RADIL: variants seen among roughly 807,000 people sequenced by gnomAD.
RADIL encodes the protein Rap associating with DIL domain.
In RADIL, 99 loss-of-function variants were observed where a neutral mutation model predicts 97.6. The ratio of observed to expected loss-of-function variants is 1.01; its 90% CI spans 0.86 to 1.20. RADIL has a LOEUF of 1.20. Ranked by LOEUF, RADIL falls within the 50% of genes most tolerant of loss-of-function variation. The probability of loss-of-function intolerance (pLI) is 0.00; values close to 1 mark genes in which losing one functional copy is unlikely to be tolerated. For synonymous variants in RADIL, 803 were observed against 691.8 expected (o/e 1.16, Z -2.52); for missense variants, 1,765 against 1,498.9 (o/e 1.18, Z -2.93).
In RADIL at chr7:4,801,947, G is replaced by A. The variant is rs776022322; in HGVS notation, c.2548C>T (p.Pro850Ser). The change falls in exon 12 of 15, where the codon CCC (proline) becomes TCC (serine). Residue 850 changes from proline to serine, a missense_variant. Transcript: ENST00000399583. ...GGGCCAGGGTCCCTGGGAGCCAGGG[G>A]GCAGCTCGGGGCCTCCAGGTGCCCG... ...LDGHLEAPSC[P>S]LAPRDPGPAA... The A allele has an allele frequency of 9.0e-6, 14 of 1,559,066 alleles. No individual in the cohort carries two copies. The highest frequency in any genetic ancestry group is 6.8e-5 in the East Asian group (3 of 44,110).
Position 4,834,409 on chromosome 7 carries a change from C to G in RADIL, c.1416+198G>C, listed in dbSNP as rs903032273. On this transcript the variant is annotated intron_variant, in intron 4 of 14. Transcript: ENST00000399583. The surrounding 1 kb of genome is among the most constrained non-coding windows in gnomAD (Gnocchi z 6.0). The stretch of plus-strand genomic sequence containing the variant: ...AGGGGCAAAGGGCTGCAGCTGACAC[C>G]TTGGGTTCTGGGGCTGCTTCTGGTG... 1.3e-5 allele frequency among the ~76,000 whole-genome samples: 2 copies of G among 152,152 alleles called. No individual in the cohort carries two copies. The highest frequency in any genetic ancestry group is 2.9e-5 in the Non-Finnish European group (2 of 68,014).
chr7:4,861,389 T>C (rs768638021), intron 2 of RADIL: 2 of 1,614,076 alleles, frequency 1.2e-6, no homozygotes, highest in Non-Finnish European at 1.7e-6. Context: ...CACTTCCTCC[T>C]GTAGTTTCAG....
At chr7:4,861,839 T>TCCCCCACCACCGCGACCTTCACGA in intron 2 of RADIL, 1 of 1,396,122 alleles carries the variant, frequency 7.2e-7, no homozygotes, top group Non-Finnish European at 9.3e-7. Flanking sequence ...CCAGGGCACG[T>TCCCCCACCACCGCGACCTTCACGA]CCCCCACCAC....
Position 4,872,789 on chromosome 7 carries a change from G to A in RADIL, c.535+4816C>T, listed in dbSNP as rs942189577. ...GGGGTAGCAGTGAACTAAGTGATGA[G>A]TGAACCGGCAGGAAGCGCCTGGCTG... is the stretch of plus-strand genomic sequence containing the variant. On this transcript the variant is annotated intron_variant, in intron 2 of 14. Coordinates refer to ENST00000399583, the MANE Select transcript of RADIL (RefSeq NM_018059.5). The surrounding 1 kb of genome is among the most constrained non-coding windows in gnomAD (Gnocchi z 5.8). Among the ~76,000 whole-genome samples the A allele has an allele frequency of 4.6e-5, 7 of 152,200 alleles. 1 individual carries two copies. In the South Asian group the frequency reaches 1.5e-3, roughly 32 times the overall value.
intron 9 of RADIL, chr7:4,809,538 G>A (rs1039354546): frequency 1.0e-6 from 1 of 985,398 alleles, no homozygotes; most frequent in Non-Finnish European, 1.2e-6. Flanking sequence ...CTGCTCGGGA[G>A]CCCCCAGGCC....
chr7:4,861,361 G>T (rs756906535), intron 2 of RADIL: 9 of 1,614,030 alleles, frequency 5.6e-6, no homozygotes, highest in African/African-American at 1.3e-5. Flanking sequence ...ATGCCTCCTC[G>T]ACAGCCCTTA....
chr7:4,868,226 C>G (rs1273204272), intron 2 of RADIL, among the ~76,000 whole-genome samples: 1 of 152,134 alleles, frequency 6.6e-6, no homozygotes, highest in African/African-American at 2.4e-5. Context: ...CCACACCTGG[C>G]TAATTTTCTA....
At chr7:4,836,327 CG>C (rs1554263249) in intron 3 of RADIL, 30 bp downstream of exon 3, 1 of 1,559,988 alleles carries the variant, frequency 6.4e-7, no homozygotes, top group Non-Finnish European at 8.7e-7. Flanking sequence ...GCAGTGGCAC[CG>C]GGCAGTGGGT....
rs375986838 is a variant in RADIL at position 4,877,899 on chromosome 7, C to T, written c.241G>A (p.Val81Ile). The change falls in exon 2 of 15, where the codon GTC becomes ATC. Residue 81 changes from valine to isoleucine, a missense_variant. Transcript: ENST00000399583. ...GCGCTGGAGGTGCCGGTGGCCAGGA[C>T]GCTCTTGTAGTGGGTTCCTGTGCAG... Reference protein sequence around the residue: ...SVCTGTHYKSVLATGTSSARE... With the variant: ...SVCTGTHYKSILATGTSSARE... The T allele has an allele frequency of 2.8e-5, 45 of 1,605,490 alleles. No homozygotes were observed. Among genetic ancestry groups the T allele is most frequent in the South Asian group, 5.5e-5 (5 of 91,092 alleles).
At chr7:4,805,272 C>T (rs1583262193) in intron 10 of RADIL, 3 of 389,166 alleles carry the variant, frequency 7.7e-6, no homozygotes, top group Non-Finnish European at 1.4e-5. Flanking sequence ...CAGGGGAGGC[C>T]CCATCCTCCG....
intron 9 of RADIL, among the ~76,000 whole-genome samples, chr7:4,810,421 G>A (rs1782507580): frequency 2.0e-5 from 3 of 152,162 alleles, no homozygotes; most frequent in Non-Finnish European, 2.9e-5. Flanking sequence ...CTCCTGCCTC[G>A]GCCTCCCAAA....
rs1784299000 is a variant in RADIL, at chr7:4,873,381, G to T, written c.535+4224C>A. 6.6e-6 allele frequency among the ~76,000 whole-genome samples: 1 copy of T among 152,140 alleles called. No individual in the cohort carries two copies. The highest frequency in any genetic ancestry group is 1.5e-5 in the Non-Finnish European group (1 of 68,040). ...CACACCACACAGACACACACACATG[G>T]TCACACGTGCACATCACATCACCAC... On this transcript the variant is annotated intron_variant, in intron 2 of 14. Transcript: ENST00000399583. This position sits in a 1 kb window ranked among gnomAD's most constrained non-coding sequence, Gnocchi z 4.3.
intron 2 of RADIL, chr7:4,862,046 G>C (rs1156293336): frequency 5.1e-6 from 2 of 392,996 alleles, no homozygotes; most frequent in Non-Finnish European, 4.5e-6. Flanking sequence ...ACACGCGCGG[G>C]CGCCTGCGCA....
chr7:4,850,373 C>T (rs1171814255), intron 2 of RADIL, among the ~76,000 whole-genome samples: 3 of 152,130 alleles, frequency 2.0e-5, no homozygotes, highest in African/African-American at 7.2e-5. Flanking sequence ...GGTCTCTGCC[C>T]CCTGGGCTCA....
At chr7:4,848,937 G>C (rs143480028) in intron 2 of RADIL, among the ~76,000 whole-genome samples, 318 of 152,266 alleles carry the variant, frequency 2.1e-3, no homozygotes, top group African/African-American at 7.3e-3. Context: ...TCAGGAGTTT[G>C]AGACTAGCCT....
chr7:4,856,521 T>C (rs1002120203), intron 2 of RADIL, among the ~76,000 whole-genome samples: 6 of 152,284 alleles, frequency 3.9e-5, no homozygotes, highest in African/African-American at 1.4e-4. Flanking sequence ...AGGGCCTGTT[T>C]TTCAGTTTTT....
In RADIL at chr7:4,832,138, C is replaced by CA; in HGVS notation, c.1454+2dup. 6.2e-7 allele frequency: 1 copy of CA among 1,609,010 alleles called. No homozygotes were observed. Among genetic ancestry groups the CA allele is most frequent in the South Asian group, 1.1e-5 (1 of 90,532 alleles). On this transcript the variant is annotated splice_region_variant and intron_variant, in intron 5 of 14. Coordinates refer to ENST00000399583, the MANE Select transcript of RADIL (RefSeq NM_018059.5). Reference sequence around the variant, plus strand: ...GCGGGCACAATAACCGGGTCATACTCACAGTTGCGCCTGCTTCTCTGCTAG... The same window carrying CA: ...GCGGGCACAATAACCGGGTCATACTCAACAGTTGCGCCTGCTTCTCTGCTAG...
rs1242036805 is a variant in RADIL, at chr7:4,842,504, C to T, written c.536-5899G>A. On this transcript the variant is annotated intron_variant, in intron 2 of 14. Coordinates refer to ENST00000399583, the MANE Select transcript of RADIL (RefSeq NM_018059.5). The surrounding 1 kb of genome is among the most constrained non-coding windows in gnomAD (Gnocchi z 4.5). The stretch of plus-strand genomic sequence containing the variant: ...AGTGACCCGCTGCTGGCAGAGAGGG[C>T]AGGGCTCTGCGTGCCGGGGGTGCAC... Among the ~76,000 whole-genome samples, 1 of 152,152 alleles carries T rather than the reference C, an allele frequency of 6.6e-6. No individual in the cohort carries two copies. Among genetic ancestry groups the T allele is most frequent in the Non-Finnish European group, 1.5e-5 (1 of 68,020 alleles).
Position 4,877,949 on chromosome 7 carries a change from A to G in RADIL, c.191T>C (p.Val64Ala). 6.2e-7 allele frequency: 1 copy of G among 1,610,204 alleles called. No homozygotes were observed. Among genetic ancestry groups the G allele is most frequent in the Non-Finnish European group, 8.5e-7 (1 of 1,179,978 alleles). The change falls in exon 2 of 15, where the codon GTC (valine) becomes GCC (alanine). Residue 64 changes from valine to alanine, a missense_variant. Val to Ala is a moderately conservative substitution (Grantham distance 64). Transcript: ENST00000399583. The part of the protein sequence containing the change: ...ELSTQLSAPG[V>A]LKVFGDSVCT... Reference sequence around the variant, plus strand: ...GACACTGTCCCCAAACACCTTCAGGACACCAGGGGCCGACAGCTGGGTGGA... The same window carrying G: ...GACACTGTCCCCAAACACCTTCAGGGCACCAGGGGCCGACAGCTGGGTGGA...
Sources: allele counts gnomAD v4.1 joint callset (sites outside exome capture counted in the v4.1 genomes callset), GRCh38; gene constraint gnomAD v4.1.1; non-coding constraint Gnocchi (gnomAD v3.1); transcripts MANE v1.5; gene names NCBI Gene and HGNC (gene_info 2026-07-23, HGNC 2026-07-21).